Variants in CFAP99 observed in about 807,000 individuals in gnomAD.
CFAP99 encodes cilia- and flagella-associated protein 99.
In CFAP99, 84 loss-of-function variants were observed where a neutral mutation model predicts 82.7. That is an observed-to-expected ratio of 1.02 (90% CI 0.85 to 1.22). The LOEUF is 1.22. CFAP99 is among the 50% of genes most tolerant of loss of function. The pLI, the probability that CFAP99 is intolerant of heterozygous loss-of-function variation, is 0.00. For synonymous variants in CFAP99, 456 were observed against 429.5 expected (o/e 1.06, Z -0.76); for missense variants, 1,059 against 983.5 (o/e 1.08, Z -1.03).
intron 6 of CFAP99, among the ~76,000 whole-genome samples, chr4:2,447,553 G>A (rs1734192261): frequency 6.6e-6 from 1 of 151,438 alleles, no homozygotes; most frequent in South Asian, 2.1e-4. Flanking sequence ...GAACAGATGG[G>A]TGGATGGATG....
chr4:2,452,015 G>A (rs1158035456), intron 10 of CFAP99, 127 bp from the exon 11 acceptor site: 5 of 920,750 alleles, frequency 5.4e-6, no homozygotes, highest in East Asian at 5.3e-5. Flanking sequence ...GGCAGGCCAC[G>A]CAGCTGGGTG....
At chr4:2,433,326 G>A (rs889667744) in intron 2 of CFAP99, among the ~76,000 whole-genome samples, 4 of 152,018 alleles carry the variant, frequency 2.6e-5, no homozygotes, top group Non-Finnish European at 5.9e-5. Context: ...GCATAGTCCC[G>A]CAAAGTCATC....
chr4:2,443,107 C>A (rs1438078138), intron 4 of CFAP99, 23 bp from the exon 5 acceptor site: 2 of 1,377,084 alleles, frequency 1.5e-6, no homozygotes, highest in African/African-American at 2.9e-5. Context: ...CTCCGGCCCC[C>A]TGACAGCCCC....
intron 4 of CFAP99, among the ~76,000 whole-genome samples, chr4:2,442,437 G>A (rs945964340): frequency 2.0e-5 from 3 of 152,068 alleles, no homozygotes; most frequent in Non-Finnish European, 4.4e-5. Context: ...GGAGGCCCGA[G>A]GGGAGGCTGC....
intron 11 of CFAP99, among the ~76,000 whole-genome samples, chr4:2,454,590 T>G (rs1560388775): frequency 6.8e-5 from 10 of 146,820 alleles, no homozygotes; most frequent in Admixed American, 6.0e-4. Flanking sequence ...TCTTTTTTTT[T>G]TTTGTTTTTT....
Position 2,462,683 on chromosome 4 carries a change from G to A in CFAP99, c.1902G>A (p.Gly634=), listed in dbSNP as rs1734654588. ...GGGGATGGCGGGCGCGGCGCGCAGG[G>A]ACCGGCGTCCCGGGGCGGGGATGGC... The change falls in exon 15 of 15, where the codon GGG becomes GGA. Residue 634 remains glycine (G), a synonymous_variant. Coordinates refer to ENST00000635017, the Ensembl canonical transcript of CFAP99. The surrounding 1 kb of genome is among the most constrained non-coding windows in gnomAD (Gnocchi z 4.1). 2 of 1,260,486 alleles carry A rather than the reference G, an allele frequency of 1.6e-6. No individual in the cohort carries two copies. Among genetic ancestry groups the A allele is most frequent in the African/African-American group, 3.1e-5 (2 of 63,720 alleles). 78.1% of individuals were successfully genotyped at this position (1,260,486 alleles called of 1,614,324 possible).
rs1734639506 is a variant in CFAP99, at chr4:2,462,340, T to C, written c.1662-103T>C. The C allele has an allele frequency of 8.5e-7, 1 of 1,170,222 alleles. No homozygotes were observed. Among genetic ancestry groups the C allele is most frequent in the Non-Finnish European group, 1.1e-6 (1 of 895,036 alleles). 72.5% of individuals were successfully genotyped at this position (1,170,222 alleles called of 1,614,324 possible). A position where few individuals can be genotyped will look rare whatever the true frequency, so the allele number is the denominator to read the frequency against. On this transcript the variant is annotated intron_variant, in intron 14 of 14. Transcript: ENST00000635017. The surrounding 1 kb of genome is among the most constrained non-coding windows in gnomAD (Gnocchi z 4.1). ...AATCATTCCGGTGAACCTCTCCGGC[T>C]GCGTAGCTCCTTGCCCCCGCGTCGC...
At chr4:2,438,984 C>T (rs1409139279) in intron 4 of CFAP99, among the ~76,000 whole-genome samples, 1 of 152,120 alleles carries the variant, frequency 6.6e-6, no homozygotes, top group African/African-American at 2.4e-5. Flanking sequence ...GGATTGGCAC[C>T]CCGAGGGGGA....
At chr4:2,435,193 G>T (rs923430923) in intron 2 of CFAP99, among the ~76,000 whole-genome samples, 2 of 151,876 alleles carry the variant, frequency 1.3e-5, no homozygotes, top group African/African-American at 4.8e-5. Flanking sequence ...AGCTGTTCGG[G>T]AGGCTGAGGC....
chr4:2,425,529 A>C, intron 1 of CFAP99, among the ~76,000 whole-genome samples: 1 of 152,078 alleles, frequency 6.6e-6, no homozygotes, highest in Non-Finnish European at 1.5e-5. Flanking sequence ...AGGTGCTCCC[A>C]CTGTCCCCAA....
exon 13 of CFAP99, chr4:2,459,244 G>A (rs748707332): frequency 3.9e-6 from 6 of 1,534,196 alleles, no homozygotes; most frequent in East Asian, 4.9e-5. Flanking sequence ...GGGCAAGCTC[G>A]TGGACCTGAC....
chr4:2,445,382 G>C (rs1734141427), intron 6 of CFAP99, 74 bp downstream of exon 6: 1 of 1,219,450 alleles, frequency 8.2e-7, no homozygotes, highest in Non-Finnish European at 1.0e-6. Flanking sequence ...TGGACTGTGT[G>C]GGCCTGTGGG....
rs1256685755 is a variant in CFAP99, at chr4:2,458,855, C to T, written c.1294C>T (p.Gln432Ter). 17 of 1,534,792 alleles carry T rather than the reference C, an allele frequency of 1.1e-5. No individual in the cohort carries two copies. Among genetic ancestry groups the T allele is most frequent in the Non-Finnish European group, 1.4e-5 (16 of 1,146,316 alleles). The change falls in exon 12 of 15, where the codon CAG becomes TAG. Residue 432 changes from glutamine (Q) to a stop codon, truncating the protein, a stop_gained. Transcript: ENST00000635017. LOFTEE classifies it high-confidence loss of function. The stretch of plus-strand genomic sequence containing the variant: ...CCAGACGAAGCTCGCGAAGGGCCGA[C>T]AGCAGACAGGTAGTCAGGAGCCAGA...
chr4:2,462,597 A>G lies in CFAP99; in HGVS notation c.1816A>G (p.Lys606Glu). 1.4e-6 allele frequency: 2 copies of G among 1,420,564 alleles called. No individual in the cohort carries two copies. Among genetic ancestry groups the G allele is most frequent in the South Asian group, 1.4e-5 (1 of 69,506 alleles). The allele number at this position is 1,420,564 out of a possible 1,614,324, so 88.0% of individuals were successfully genotyped here. The change falls in exon 15 of 15, where the codon AAG becomes GAG. Residue 606 changes from lysine (K) to glutamate (E), a missense_variant. Coordinates refer to ENST00000635017, the Ensembl canonical transcript of CFAP99. This position sits in a 1 kb window ranked among gnomAD's most constrained non-coding sequence, Gnocchi z 4.1. ...GTCGGCGCCGCGGACCGCGCGCCCC[A>G]AGCCCCGGGTGAGTCCGGATTGGTG...
At position 2,447,929 on chromosome 4, in the gene CFAP99, GTGGATGGATGGATGGA is replaced by G. The variant is rs58535148; in HGVS notation, c.643-1705_643-1690del. Among the ~76,000 whole-genome samples, 525 of 139,850 alleles carry G rather than the reference GTGGATGGATGGATGGA, an allele frequency of 3.8e-3. 1 individual carries two copies. The highest frequency in any genetic ancestry group is 0.011 in the African/African-American group (407 of 36,420). The allele number at this position is 139,850 out of a possible 152,430, so 91.7% of individuals were successfully genotyped here. The stretch of plus-strand genomic sequence containing the variant: ...AATGAGTGGGTGAATGAATGGATGG[GTGGATGGATGGATGGA>G]TGGATGGATGGATGGATGGATGGAT... On this transcript the variant is annotated intron_variant, in intron 6 of 14. Coordinates refer to ENST00000635017, the Ensembl canonical transcript of CFAP99.
At chr4:2,458,899 G>A (rs969608814) in intron 12 of CFAP99, 35 bp downstream of exon 12, 107 of 1,517,910 alleles carry the variant, frequency 7.0e-5, no homozygotes, top group Non-Finnish European at 8.7e-5. Context: ...GCCCTACCCC[G>A]CTCTTCCCCA....
Position 2,451,279 on chromosome 4 carries a change from G to T in CFAP99, c.883G>T (p.Val295Phe), listed in dbSNP as rs1279617619. 4 of 1,535,964 alleles carry T rather than the reference G, an allele frequency of 2.6e-6. No homozygotes were observed. Among genetic ancestry groups the T allele is most frequent in the Admixed American group, 3.9e-5 (2 of 50,976 alleles). ...AATCCCGCAGCCTGACAACATCCTG[G>T]TCAAGCTGAACACCACAGCCATCCT... is the stretch of plus-strand genomic sequence containing the variant. The change falls in exon 10 of 15, where the codon GTC becomes TTC. Residue 295 changes from valine (V) to phenylalanine (F), a missense_variant. Physicochemically the swap from Val to Phe is conservative, Grantham distance 50 (BLOSUM62 -1). Coordinates refer to ENST00000635017, the Ensembl canonical transcript of CFAP99.
Position 2,462,940 on chromosome 4 carries a change from C to A in CFAP99, c.*14C>A. 7.9e-7 allele frequency: 1 copy of A among 1,263,758 alleles called. No homozygotes were observed. Among genetic ancestry groups the A allele is most frequent in the Non-Finnish European group, 9.9e-7 (1 of 1,005,070 alleles). 78.3% of individuals were successfully genotyped at this position (1,263,758 alleles called of 1,614,324 possible). A position where few individuals can be genotyped will look rare whatever the true frequency, so the allele number is the denominator to read the frequency against. ...GAGGCCGCCTGAGCCGGGCCGAGCG[C>A]GCCCCACCCGCTTGCGGGCCACCCC... is the stretch of plus-strand genomic sequence containing the variant. On this transcript the variant is annotated 3_prime_UTR_variant, in exon 15 of 15. Transcript: ENST00000635017. This position sits in a 1 kb window ranked among gnomAD's most constrained non-coding sequence, Gnocchi z 4.1.
intron 4 of CFAP99, among the ~76,000 whole-genome samples, chr4:2,441,771 G>T (rs1371950864): frequency 2.0e-5 from 3 of 152,152 alleles, no homozygotes; most frequent in Admixed American, 2.0e-4. Context: ...GAAGAGGCCA[G>T]CCTGGGCCTT....
Sources: allele counts gnomAD v4.1 joint callset (sites outside exome capture counted in the v4.1 genomes callset), GRCh38; gene constraint gnomAD v4.1.1; non-coding constraint Gnocchi (gnomAD v3.1); transcripts MANE v1.5; gene names NCBI Gene and HGNC (gene_info 2026-07-23, HGNC 2026-07-21).